AHCYL2: variants seen among roughly 807,000 people sequenced by gnomAD.
AHCYL2 encodes S-adenosylhomocysteine hydrolase-like protein 2.
A neutral mutation model predicts 81.4 loss-of-function variants in AHCYL2; 28 were observed. That is an observed-to-expected ratio of 0.34 (90% confidence interval 0.25 to 0.47). The LOEUF (loss-of-function observed/expected upper bound fraction) is 0.47. Among genes scored for constraint, AHCYL2 ranks in the 20% least tolerant of loss-of-function variants. The probability of loss-of-function intolerance (pLI) is 1.00; values close to 1 mark genes in which losing one functional copy is unlikely to be tolerated. For missense variants in AHCYL2, 551 were observed against 785.1 expected (o/e 0.70, Z 3.56); for synonymous variants, 272 against 290.2 (o/e 0.94, Z 0.64).
At chr7:129,412,811 T>C (rs1341002076) in intron 11 of AHCYL2, among the ~76,000 whole-genome samples, 2 of 152,188 alleles carry the variant, frequency 1.3e-5, no homozygotes, top group African/African-American at 4.8e-5. Context: ...TTGTACATCT[T>C]CTCTGAAGAA....
chr7:129,338,979 AC>A (rs1793061631), intron 1 of AHCYL2, among the ~76,000 whole-genome samples: 1 of 152,122 alleles, frequency 6.6e-6, no homozygotes, highest in South Asian at 2.1e-4. Flanking sequence ...CTCACTTCCT[AC>A]TTTAATGGAA....
At chr7:129,381,377 G>T (rs1378660564) in intron 2 of AHCYL2, among the ~76,000 whole-genome samples, 1 of 152,146 alleles carries the variant, frequency 6.6e-6, no homozygotes, top group Non-Finnish European at 1.5e-5. Context: ...AATGCTCTTA[G>T]TTTCTAAGTG....
At chr7:129,265,098 A>C (rs1795769927) in intron 1 of AHCYL2, among the ~76,000 whole-genome samples, 1 of 152,188 alleles carries the variant, frequency 6.6e-6, no homozygotes, top group Non-Finnish European at 1.5e-5. Context: ...TATAGAGAGA[A>C]ACATTTACAA....
intron 1 of AHCYL2, among the ~76,000 whole-genome samples, chr7:129,263,739 T>TGGAGAATGG (rs941372585): frequency 1.3e-5 from 2 of 152,234 alleles, no homozygotes; most frequent in African/African-American, 4.8e-5. Flanking sequence ...AGATGCAATA[T>TGGAGAATGG]GGAGAATGGG....
At chr7:129,259,366 A>T (rs28421993) in intron 1 of AHCYL2, among the ~76,000 whole-genome samples, 5 of 152,114 alleles carry the variant, frequency 3.3e-5, no homozygotes, top group Non-Finnish European at 4.4e-5. Context: ...TTATTTTAAA[A>T]TTTTTTTCAA....
At chr7:129,293,941 A>G (rs1796963021) in intron 1 of AHCYL2, among the ~76,000 whole-genome samples, 1 of 152,228 alleles carries the variant, frequency 6.6e-6, no homozygotes, top group Admixed American at 6.5e-5. Flanking sequence ...CTAATTTCAC[A>G]GTCAACGTGA....
At chr7:129,313,579 T>G (rs555233036) in intron 1 of AHCYL2, among the ~76,000 whole-genome samples, 2 of 152,276 alleles carry the variant, frequency 1.3e-5, no homozygotes, top group South Asian at 4.1e-4. Context: ...AGATACTGAC[T>G]GAAGTGATAA....
At chr7:129,228,997 C>T (rs1022046199) in intron 1 of AHCYL2, among the ~76,000 whole-genome samples, 4 of 151,772 alleles carry the variant, frequency 2.6e-5, no homozygotes, top group African/African-American at 7.3e-5. Flanking sequence ...AAGAGTACTG[C>T]TCTGAAAAGT....
At chr7:129,381,225 C>T (rs1794939939) in intron 2 of AHCYL2, among the ~76,000 whole-genome samples, 1 of 152,040 alleles carries the variant, frequency 6.6e-6, no homozygotes, top group Admixed American at 6.5e-5. Context: ...ATTTTAACTC[C>T]AGCTCAGTCT....
intron 4 of AHCYL2, among the ~76,000 whole-genome samples, chr7:129,396,271 C>G (rs377475329): frequency 6.6e-6 from 1 of 151,890 alleles, no homozygotes; most frequent in Non-Finnish European, 1.5e-5. Flanking sequence ...TACAGGCGCC[C>G]GCTACCACAC....
At chr7:129,256,785 C>G (rs1404568269) in intron 1 of AHCYL2, among the ~76,000 whole-genome samples, 1 of 151,162 alleles carries the variant, frequency 6.6e-6, no homozygotes, top group East Asian at 1.9e-4. Context: ...ATTTCTTGTT[C>G]AAAAGGTTTT....
intron 1 of AHCYL2, among the ~76,000 whole-genome samples, chr7:129,377,896 A>G (rs964971448): frequency 2.0e-5 from 3 of 152,204 alleles, no homozygotes; most frequent in Non-Finnish European, 4.4e-5. Flanking sequence ...CAATGTCCAG[A>G]GTATGATATG....
At chr7:129,233,201 C>T (rs1041548510) in intron 1 of AHCYL2, among the ~76,000 whole-genome samples, 1 of 152,116 alleles carries the variant, frequency 6.6e-6, no homozygotes, top group African/African-American at 2.4e-5. Context: ...TTCTTTTTTA[C>T]TGAGACAAGG....
rs1347637888 is a variant in AHCYL2, at chr7:129,429,819, G to C, written c.*2774G>C. On this transcript the variant is annotated 3_prime_UTR_variant, in exon 17 of 17. Transcript: ENST00000325006. ...CCCCATGGCCACATACTCCTGCAAAGCTTTTATGCTGCTTCGCTTTTCTCT... is the reference window on the plus strand; with the variant it reads ...CCCCATGGCCACATACTCCTGCAAACCTTTTATGCTGCTTCGCTTTTCTCT... 1.3e-5 allele frequency: 2 copies of C among 152,552 alleles called. No homozygotes were observed. Among genetic ancestry groups the C allele is most frequent in the Non-Finnish European group, 1.5e-5 (1 of 68,038 alleles). The allele number at this position is 152,552 out of a possible 1,614,324, so 9.4% of individuals were successfully genotyped here. A position where few individuals can be genotyped will look rare whatever the true frequency, so the allele number is the denominator to read the frequency against.
At chr7:129,242,199 TACTACAGTTTACAC>T (rs1794883406) in intron 1 of AHCYL2, among the ~76,000 whole-genome samples, 1 of 152,200 alleles carries the variant, frequency 6.6e-6, no homozygotes, top group African/African-American at 2.4e-5. Context: ...TGTATGAATA[TACTACAGTTTACAC>T]ATTCATCTCA....
intron 12 of AHCYL2, among the ~76,000 whole-genome samples, chr7:129,418,551 G>A (rs771057691): frequency 6.6e-6 from 1 of 152,030 alleles, no homozygotes; most frequent in Non-Finnish European, 1.5e-5. Flanking sequence ...CACCAGCCTC[G>A]GCCTCCCGAA....
At position 129,426,530 on chromosome 7, in the gene AHCYL2, A is replaced by G; in HGVS notation, c.1796A>G (p.Asn599Ser). The G allele has an allele frequency of 6.2e-7, 1 of 1,614,078 alleles. No individual in the cohort carries two copies. The highest frequency in any genetic ancestry group is 8.5e-7 in the Non-Finnish European group (1 of 1,179,964). ...GAACAGGCCAAGTATCTGGGACTCA[A>G]CAAGAATGGGCCCTTCAAGCCTAAT... is the stretch of plus-strand genomic sequence containing the variant. Reference protein sequence around the residue: ...TDEQAKYLGLNKNGPFKPNYY... With the variant: ...TDEQAKYLGLSKNGPFKPNYY... The change falls in exon 16 of 17, where the codon AAC becomes AGC. Residue 599 changes from asparagine to serine, a missense_variant. Coordinates refer to ENST00000325006, the MANE Select transcript of AHCYL2 (RefSeq NM_015328.4). This position sits in a 1 kb window ranked among gnomAD's most constrained non-coding sequence, Gnocchi z 4.3.
At chr7:129,311,383 C>T (rs542993485) in intron 1 of AHCYL2, among the ~76,000 whole-genome samples, 168 of 152,132 alleles carry the variant, frequency 1.1e-3, no homozygotes, top group Non-Finnish European at 1.9e-3. Context: ...GTGATCGTAC[C>T]TATTCCTGTG....
chr7:129,248,044 A>AT (rs1795120532), intron 1 of AHCYL2, among the ~76,000 whole-genome samples: 1 of 151,990 alleles, frequency 6.6e-6, no homozygotes, highest in Admixed American at 6.6e-5. Context: ...AAAAGTCCCC[A>AT]TTTTTTCCCT....
Sources: gnomAD v4.1 joint callset for allele counts (sites outside exome capture counted in the v4.1 genomes callset) on GRCh38, gnomAD v4.1.1 for gene constraint, Gnocchi (gnomAD v3.1) non-coding constraint, MANE v1.5 for transcripts, NCBI Gene and HGNC (gene_info 2026-07-23, HGNC 2026-07-21) for gene names.